The following ATXN10 variants were observed in gnomAD, a reference collection of about 807,000 sequenced individuals.
ATXN10 encodes the protein ataxin 10.
In ATXN10, 28 loss-of-function variants were observed where a neutral mutation model predicts 52.9. The observed-to-expected ratio is 0.53, with a 90% CI of 0.39 to 0.73. The LOEUF (loss-of-function observed/expected upper bound fraction) is 0.73. Among genes scored for constraint, ATXN10 ranks in the 30% least tolerant of loss-of-function variants. The pLI is 0.00. For missense variants in ATXN10, 565 were observed against 577.0 expected (o/e 0.98, Z 0.21); for synonymous variants, 226 against 221.5 (o/e 1.02, Z -0.18).
At chr22:45,751,838 A>AT (rs1300841047) in intron 9 of ATXN10, among the ~76,000 whole-genome samples, 3 of 104,690 alleles carry the variant, frequency 2.9e-5, no homozygotes, top group East Asian at 5.1e-4. Flanking sequence ...TCTTTAGCAT[A>AT]TTTAGTTTTT....
chr22:45,722,308 T>C (rs924906059), intron 6 of ATXN10, among the ~76,000 whole-genome samples: 8 of 152,174 alleles, frequency 5.3e-5, no homozygotes, highest in Non-Finnish European at 5.9e-5. Flanking sequence ...GGGTGGAGTG[T>C]CTGGTAGGGA....
intron 1 of ATXN10, among the ~76,000 whole-genome samples, chr22:45,685,361 TC>T (rs1230224248): frequency 6.6e-6 from 1 of 152,212 alleles, no homozygotes; most frequent in African/African-American, 2.4e-5. Flanking sequence ...GGGTATGCAT[TC>T]CTTTGTAATA....
At chr22:45,749,478 T>G (rs1925862818) in intron 9 of ATXN10, among the ~76,000 whole-genome samples, 1 of 152,232 alleles carries the variant, frequency 6.6e-6, no homozygotes, top group African/African-American at 2.4e-5. Context: ...TATTACAGCT[T>G]TTTCCACAAT....
rs1206204717 is a variant in ATXN10 at position 45,819,096 on chromosome 22, C to A, written c.1237+12074C>A. Among the ~76,000 whole-genome samples the A allele has an allele frequency of 6.6e-6, 1 of 152,142 alleles. No individual in the cohort carries two copies. The highest frequency in any genetic ancestry group is 1.5e-5 in the Non-Finnish European group (1 of 68,022). On this transcript the variant is annotated intron_variant, in intron 10 of 11. Transcript: ENST00000252934. The surrounding 1 kb of genome is among the most constrained non-coding windows in gnomAD (Gnocchi z 4.5). ...TTAAATTTAGAAGCTACATGCAATA[C>A]TTGTTTTTCAAAATTGTTTACTCAA...
chr22:45,700,425 C>A, intron 4 of ATXN10, 47 bp downstream of exon 4: 1 of 1,453,052 alleles, frequency 6.9e-7, no homozygotes, highest in Non-Finnish European at 9.7e-7. Flanking sequence ...AAGATTGTGG[C>A]TATATTTTTC....
Position 45,816,057 on chromosome 22 carries a change from C to T in ATXN10, c.1237+9035C>T, listed in dbSNP as rs1928450152. ...TTGAGGTCAGGAGTTTGAGACCAGC[C>T]TAGTCAACATGGTGAAACTGTCTCT... On this transcript the variant is annotated intron_variant, in intron 10 of 11. Coordinates refer to ENST00000252934, the MANE Select transcript of ATXN10 (RefSeq NM_013236.4). The surrounding 1 kb of genome is among the most constrained non-coding windows in gnomAD (Gnocchi z 5.8). Among the ~76,000 whole-genome samples, 1 of 151,934 alleles carries T rather than the reference C, an allele frequency of 6.6e-6. No individual in the cohort carries two copies. The highest frequency in any genetic ancestry group is 1.5e-5 in the Non-Finnish European group (1 of 68,000).
intron 9 of ATXN10, among the ~76,000 whole-genome samples, chr22:45,779,074 TGAG>T (rs1408670914): frequency 6.6e-6 from 1 of 152,174 alleles, no homozygotes; most frequent in African/African-American, 2.4e-5. Flanking sequence ...CTCTTGAGTA[TGAG>T]ATTTATGAAT....
intron 9 of ATXN10, among the ~76,000 whole-genome samples, chr22:45,782,679 T>A (rs1927190277): frequency 6.6e-6 from 1 of 152,034 alleles, no homozygotes; most frequent in African/African-American, 2.4e-5. Flanking sequence ...ACTATATGAG[T>A]GGTGGTTACA....
rs760899214 is a variant in ATXN10 at position 45,738,823 on chromosome 22, G to T, written c.987G>T (p.Leu329Phe). The change falls in exon 8 of 12, where the codon TTG (leucine) becomes TTT (phenylalanine). Residue 329 changes from leucine (L) to phenylalanine (F), a missense_variant. By Grantham distance (22) the Leu-to-Phe change is conservative (BLOSUM62 0). Coordinates refer to ENST00000252934, the MANE Select transcript of ATXN10 (RefSeq NM_013236.4). ...LLGYLQVFPG[L>F]LERVIDLLRV... Reference sequence around the variant, plus strand: ...GCTATCTGCAGGTTTTCCCTGGCTTGCTGGAAAGAGTGATTGGTGAGTGAA... The same window carrying T: ...GCTATCTGCAGGTTTTCCCTGGCTTTCTGGAAAGAGTGATTGGTGAGTGAA... 4.2e-5 allele frequency: 68 copies of T among 1,613,790 alleles called. No homozygotes were observed. Among genetic ancestry groups the T allele is most frequent in the Non-Finnish European group, 5.4e-5 (64 of 1,179,808 alleles).
intron 9 of ATXN10, among the ~76,000 whole-genome samples, chr22:45,797,306 A>G (rs1927776416): frequency 1.3e-5 from 2 of 152,220 alleles, no homozygotes; most frequent in South Asian, 2.1e-4. Flanking sequence ...AAGACAGACC[A>G]TATGCTGGGG....
In ATXN10 at chr22:45,781,225, C is replaced by T. The variant is rs1268182291; in HGVS notation, c.1174-25734C>T. ...CCTGGTTATAATGAGGCACCCCTCA[C>T]CCCTGCTAGGTGGTGTCAGAGAAGA... On this transcript the variant is annotated intron_variant, in intron 9 of 11. Transcript: ENST00000252934. The surrounding 1 kb of genome is among the most constrained non-coding windows in gnomAD (Gnocchi z 4.2). 6.6e-6 allele frequency among the ~76,000 whole-genome samples: 1 copy of T among 152,192 alleles called. No individual in the cohort carries two copies. Among genetic ancestry groups the T allele is most frequent in the African/African-American group, 2.4e-5 (1 of 41,444 alleles).
chr22:45,698,865 TTTA>T (rs1389437978), intron 3 of ATXN10, among the ~76,000 whole-genome samples: 3 of 152,210 alleles, frequency 2.0e-5, no homozygotes, highest in Non-Finnish European at 4.4e-5. Flanking sequence ...CAAATAATCT[TTTA>T]AAAAGTATTC....
intron 9 of ATXN10, among the ~76,000 whole-genome samples, chr22:45,748,236 G>A (rs374274553): frequency 3.3e-5 from 5 of 151,164 alleles, no homozygotes; most frequent in East Asian, 1.9e-4. Context: ...TAATACTTCC[G>A]TGTCCCTCCT....
At chr22:45,731,743 T>C (rs1426825674) in intron 7 of ATXN10, among the ~76,000 whole-genome samples, 1 of 152,234 alleles carries the variant, frequency 6.6e-6, no homozygotes. Context: ...GTATTTCCTT[T>C]TTTGTGAATA....
Position 45,708,351 on chromosome 22 carries a change from T to G in ATXN10, c.647+5504T>G, listed in dbSNP as rs1034640748. Among the ~76,000 whole-genome samples, 16 of 152,184 alleles carry G rather than the reference T, an allele frequency of 1.1e-4. No homozygotes were observed. Among genetic ancestry groups the G allele is most frequent in the African/African-American group, 3.9e-4 (16 of 41,434 alleles). On this transcript the variant is annotated intron_variant, in intron 5 of 11. Coordinates refer to ENST00000252934, the MANE Select transcript of ATXN10 (RefSeq NM_013236.4). This position sits in a 1 kb window ranked among gnomAD's most constrained non-coding sequence, Gnocchi z 5.3. ...GTAGGACTGCCTCGTGCTGATCCTG[T>G]GATGTGTTGGTTGCTTTGTCTGTGT... is the stretch of plus-strand genomic sequence containing the variant.
chr22:45,691,621 C>T (rs1025296040), intron 2 of ATXN10, among the ~76,000 whole-genome samples: 6 of 152,190 alleles, frequency 3.9e-5, no homozygotes, highest in African/African-American at 1.4e-4. Flanking sequence ...CTGGGCCAGG[C>T]GCGGTGGCTC....
intron 1 of ATXN10, among the ~76,000 whole-genome samples, chr22:45,687,068 T>C (rs1003381740): frequency 6.6e-6 from 1 of 152,192 alleles, no homozygotes. Flanking sequence ...ATGATTACTC[T>C]TTAGTCGCTA....
intron 9 of ATXN10, among the ~76,000 whole-genome samples, chr22:45,785,744 G>C (rs1927301988): frequency 6.6e-6 from 1 of 152,238 alleles, no homozygotes; most frequent in Non-Finnish European, 1.5e-5. Context: ...TTCTGTGGAA[G>C]TCTGAGGAAG....
rs1458883565 is a variant in ATXN10, at chr22:45,733,564, C to T, written c.894+3974C>T. 1.3e-5 allele frequency among the ~76,000 whole-genome samples: 2 copies of T among 152,000 alleles called. No individual in the cohort carries two copies. The highest frequency in any genetic ancestry group is 4.2e-4 in the South Asian group (2 of 4,810). ...AGCCTGACTAACATGGTGAGACCCCCGTCTCTACTAAAAATACAAAAATTA... is the reference window on the plus strand; with the variant it reads ...AGCCTGACTAACATGGTGAGACCCCTGTCTCTACTAAAAATACAAAAATTA... On this transcript the variant is annotated intron_variant, in intron 7 of 11. Coordinates refer to ENST00000252934, the MANE Select transcript of ATXN10 (RefSeq NM_013236.4). This position sits in a 1 kb window ranked among gnomAD's most constrained non-coding sequence, Gnocchi z 4.4.
Sources: gnomAD v4.1 joint callset for allele counts (sites outside exome capture counted in the v4.1 genomes callset) on GRCh38, gnomAD v4.1.1 for gene constraint, Gnocchi (gnomAD v3.1) non-coding constraint, MANE v1.5 for transcripts, NCBI Gene and HGNC (gene_info 2026-07-23, HGNC 2026-07-21) for gene names.